The following EPB41L1 variants were observed in gnomAD, a reference collection of about 807,000 sequenced individuals.
The protein encoded by EPB41L1 is band 4.1-like protein 1.
A neutral mutation model predicts 97.8 loss-of-function variants in EPB41L1; 29 were observed. The observed-to-expected ratio is 0.30, with a 90% CI of 0.22 to 0.40. The LOEUF is 0.40. Ranked by LOEUF, EPB41L1 falls within the 10% of genes least tolerant of loss-of-function variation. The pLI is 1.00. For synonymous variants in EPB41L1, 383 were observed against 459.2 expected (o/e 0.83, Z 2.12); for missense variants, 812 against 1,162.3 (o/e 0.70, Z 4.38).
chr20:36,101,820 C>T (rs148197676), intron 1 of EPB41L1, among the ~76,000 whole-genome samples: 1,782 of 152,154 alleles, frequency 0.012, 38 homozygotes, highest in African/African-American at 0.04. Flanking sequence ...ACCAGCCTGA[C>T]ATGGTGAAAC....
At position 36,209,347 on chromosome 20, in the gene EPB41L1, GTTTTTC is replaced by G. The variant is rs1192500091; in HGVS notation, c.1669-140_1669-135del. Reference sequence around the variant, plus strand: ...GATTTCAAGGAACCTTTCCTGGGGTGTTTTTCATTTCCTGGCCTGCTCTTCCATTCA... The same window carrying G: ...GATTTCAAGGAACCTTTCCTGGGGTGATTTCCTGGCCTGCTCTTCCATTCA... On this transcript the variant is annotated intron_variant, in intron 14 of 21. Transcript: ENST00000338074. This position sits in a 1 kb window ranked among gnomAD's most constrained non-coding sequence, Gnocchi z 4.2. 47 of 912,508 alleles carry G rather than the reference GTTTTTC, an allele frequency of 5.2e-5. No individual in the cohort carries two copies. The African/African-American group carries it at 7.7e-4, about 15-fold the overall frequency. The allele number at this position is 912,508 out of a possible 1,614,324, so 56.5% of individuals were successfully genotyped here.
intron 2 of EPB41L1, among the ~76,000 whole-genome samples, chr20:36,129,531 T>C (rs1397935313): frequency 6.6e-6 from 1 of 152,052 alleles, no homozygotes; most frequent in Non-Finnish European, 1.5e-5. Context: ...ATTGGGTCAC[T>C]AGCGGGTCCC....
chr20:36,125,708 G>A (rs950700548), intron 2 of EPB41L1, among the ~76,000 whole-genome samples: 1 of 152,186 alleles, frequency 6.6e-6, no homozygotes, highest in African/African-American at 2.4e-5. Flanking sequence ...TTGACCAGGA[G>A]CTGGCACTTT....
chr20:36,195,316 C>T lies in EPB41L1; in HGVS notation c.1450-13C>T, dbSNP rs1279167090. 4.3e-6 allele frequency: 7 copies of T among 1,614,058 alleles called. No homozygotes were observed. Among genetic ancestry groups the T allele is most frequent in the Non-Finnish European group, 5.9e-6 (7 of 1,180,014 alleles). On this transcript the variant is annotated splice_polypyrimidine_tract_variant and intron_variant, in intron 12 of 21. Transcript: ENST00000338074. This position sits in a 1 kb window ranked among gnomAD's most constrained non-coding sequence, Gnocchi z 4.6. ...CCCTGCTGCTTTCTTTCCCTCCTAC[C>T]ACATCCCACTAGCCGGAGCAGGAAA...
Position 36,141,677 on chromosome 20 carries a change from C to T in EPB41L1, c.-10+29197C>T, listed in dbSNP as rs6060818. On this transcript the variant is annotated intron_variant, in intron 2 of 19. Coordinates refer to the EPB41L1 transcript ENST00000202028. ...TATAAATATGTTTACACATATATAC[C>T]AGAAAGTAAGCAACAAAACAAGACC... 3.1e-3 allele frequency among the ~76,000 whole-genome samples: 473 copies of T among 152,294 alleles called. 7 individuals carry two copies. The highest frequency in any genetic ancestry group is 0.011 in the African/African-American group (446 of 41,538).
In EPB41L1 at chr20:36,207,269, G is replaced by C. The variant is rs542775762; in HGVS notation, c.1669-2219G>C. 7.8e-7 allele frequency: 1 copy of C among 1,278,142 alleles called. No homozygotes were observed. The highest frequency in any genetic ancestry group is 5.6e-5 in the East Asian group (1 of 17,808). The allele number at this position is 1,278,142 out of a possible 1,614,324, so 79.2% of individuals were successfully genotyped here. On this transcript the variant is annotated intron_variant, in intron 14 of 21. Transcript: ENST00000338074. This position sits in a 1 kb window ranked among gnomAD's most constrained non-coding sequence, Gnocchi z 4.9. ...GGGTTTGTGGTGTCCCCTGCCACAGGAGGTGAGCGCAGGCCTCCTCCCATC... is the reference window on the plus strand; with the variant it reads ...GGGTTTGTGGTGTCCCCTGCCACAGCAGGTGAGCGCAGGCCTCCTCCCATC...
chr20:36,140,189 G>T (rs954951732), intron 2 of EPB41L1, among the ~76,000 whole-genome samples: 2 of 151,624 alleles, frequency 1.3e-5, no homozygotes, highest in Non-Finnish European at 2.9e-5. Context: ...TGAGTAGCAG[G>T]GACTACAGGT....
intron 14 of EPB41L1, among the ~76,000 whole-genome samples, chr20:36,203,727 A>T (rs1248760898): frequency 1.3e-5 from 2 of 152,224 alleles, no homozygotes; most frequent in Non-Finnish European, 2.9e-5. Flanking sequence ...GACCTGAAGT[A>T]AAAGCTCAGA....
In EPB41L1 at chr20:36,190,229, G is replaced by T; in HGVS notation, c.1027-48G>T. ...AAAACACAAAGAATGGGCTAGTGGCGAGAGTGAGCTCAGGCCCTGCCTCTA... is the reference window on the plus strand; with the variant it reads ...AAAACACAAAGAATGGGCTAGTGGCTAGAGTGAGCTCAGGCCCTGCCTCTA... On this transcript the variant is annotated intron_variant, in intron 9 of 21. Coordinates refer to ENST00000338074, the MANE Select transcript of EPB41L1 (RefSeq NM_012156.2). The surrounding 1 kb of genome is among the most constrained non-coding windows in gnomAD (Gnocchi z 5.8). The T allele has an allele frequency of 7.0e-7, 1 of 1,436,852 alleles. No individual in the cohort carries two copies. The highest frequency in any genetic ancestry group is 9.8e-7 in the Non-Finnish European group (1 of 1,019,890). 89.0% of individuals were successfully genotyped at this position (1,436,852 alleles called of 1,614,324 possible).
chr20:36,120,209 C>G (rs923570948), intron 2 of EPB41L1, among the ~76,000 whole-genome samples: 1 of 152,214 alleles, frequency 6.6e-6, no homozygotes, highest in African/African-American at 2.4e-5. Flanking sequence ...GTCATTTAAT[C>G]CTCATCCTAA....
chr20:36,190,093 T>A lies in EPB41L1; in HGVS notation c.1027-184T>A, dbSNP rs554351311. Among the ~76,000 whole-genome samples, 22 of 152,256 alleles carry A rather than the reference T, an allele frequency of 1.4e-4. No individual in the cohort carries two copies. In the East Asian group the frequency reaches 3.7e-3, roughly 25 times the overall value. On this transcript the variant is annotated intron_variant, in intron 9 of 21. Coordinates refer to ENST00000338074, the MANE Select transcript of EPB41L1 (RefSeq NM_012156.2). The surrounding 1 kb of genome is among the most constrained non-coding windows in gnomAD (Gnocchi z 5.8). ...TGGGAGGCTGAGGCAGGAGGATCTC[T>A]TGAGCCCAGGAATTCAAGGTTACAG... is the stretch of plus-strand genomic sequence containing the variant.
chr20:36,182,281 G>A lies in EPB41L1; in HGVS notation c.500G>A (p.Trp167Ter), dbSNP rs2061503314. 1 of 1,613,904 alleles carries A rather than the reference G, an allele frequency of 6.2e-7. No individual in the cohort carries two copies. The change falls in exon 6 of 22, where the codon TGG becomes TAG. Residue 167 changes from tryptophan (W) to a stop codon, truncating the protein, a stop_gained. Coordinates refer to ENST00000338074, the MANE Select transcript of EPB41L1 (RefSeq NM_012156.2). LOFTEE classifies it high-confidence loss of function. ...TCCCATCTCCTCTCAGGTAGCCCCT[G>A]GAATTTTGCCTTCACAGTCAAGTTC... Reference protein sequence around the residue: ...EIKKQIRSSPWNFAFTVKFYP... With the variant: ...EIKKQIRSSP
intron 2 of EPB41L1, among the ~76,000 whole-genome samples, chr20:36,129,051 T>C (rs973805488): frequency 6.6e-6 from 1 of 150,950 alleles, no homozygotes; most frequent in Non-Finnish European, 1.5e-5. Flanking sequence ...TGTGACTCTC[T>C]GGGCAAGCTT....
At chr20:36,156,774 A>G (rs1461191528) in intron 1 of EPB41L1, among the ~76,000 whole-genome samples, 1 of 152,176 alleles carries the variant, frequency 6.6e-6, no homozygotes, top group Non-Finnish European at 1.5e-5. Flanking sequence ...GGAAGTGCAT[A>G]GAGCTGAGAG....
intron 21 of EPB41L1, among the ~76,000 whole-genome samples, chr20:36,228,867 A>C (rs993208008): frequency 3.9e-5 from 6 of 152,298 alleles, no homozygotes; most frequent in Admixed American, 3.3e-4. Context: ...ACAAGATAGG[A>C]AGAAAAAGTA....
At chr20:36,164,514 G>A (rs1186362408) in intron 1 of EPB41L1, among the ~76,000 whole-genome samples, 5 of 152,076 alleles carry the variant, frequency 3.3e-5, no homozygotes, top group Non-Finnish European at 1.5e-5. Context: ...CGGTGTGCAG[G>A]GTTTAGAAGA....
At position 36,190,188 on chromosome 20, in the gene EPB41L1, TAAAC is replaced by T; in HGVS notation, c.1027-85_1027-82del. On this transcript the variant is annotated intron_variant, in intron 9 of 21. Coordinates refer to ENST00000338074, the MANE Select transcript of EPB41L1 (RefSeq NM_012156.2). The surrounding 1 kb of genome is among the most constrained non-coding windows in gnomAD (Gnocchi z 5.8). The stretch of plus-strand genomic sequence containing the variant: ...GAGACCCTGTGTCTCAAAAAAACAT[TAAAC>T]AAATAAAATAAAAAACACAAAGAAT... The T allele has an allele frequency of 4.5e-6, 5 of 1,109,828 alleles. No homozygotes were observed. Among genetic ancestry groups the T allele is most frequent in the Non-Finnish European group, 6.7e-6 (5 of 741,958 alleles). 68.7% of individuals were successfully genotyped at this position (1,109,828 alleles called of 1,614,324 possible). A position where few individuals can be genotyped will look rare whatever the true frequency, so the allele number is the denominator to read the frequency against.
chr20:36,138,560 C>A (rs1215497238), intron 2 of EPB41L1, among the ~76,000 whole-genome samples: 1 of 152,222 alleles, frequency 6.6e-6, no homozygotes, highest in Non-Finnish European at 1.5e-5. Context: ...CCACATCCAG[C>A]CAGCACATTT....
In EPB41L1 at chr20:36,140,010, A is replaced by G. The variant is rs79331067; in HGVS notation, c.-10+27530A>G. On this transcript the variant is annotated intron_variant, in intron 2 of 19. Transcript: ENST00000202028. ...CTCCCAAAGTGCTGGGATTGCAGGCATGAGCCACCGTGCCCGGCCTAGGTG... is the reference window on the plus strand; with the variant it reads ...CTCCCAAAGTGCTGGGATTGCAGGCGTGAGCCACCGTGCCCGGCCTAGGTG... 4.6e-5 allele frequency among the ~76,000 whole-genome samples: 7 copies of G among 151,518 alleles called. No individual in the cohort carries two copies. The East Asian group carries it at 1.4e-3, about 29-fold the overall frequency.
Sources: gnomAD v4.1 joint callset for allele counts (sites outside exome capture counted in the v4.1 genomes callset) on GRCh38, gnomAD v4.1.1 for gene constraint, Gnocchi (gnomAD v3.1) non-coding constraint, MANE v1.5 for transcripts, NCBI Gene and HGNC (gene_info 2026-07-23, HGNC 2026-07-21) for gene names.